Variants in DNAH8 observed in about 807,000 individuals in gnomAD.
DNAH8 encodes dynein axonemal heavy chain 8.
A neutral mutation model predicts 562.1 loss-of-function variants in DNAH8; 382 were observed. The observed-to-expected ratio is 0.68, with a 90% CI of 0.63 to 0.74. The LOEUF (loss-of-function observed/expected upper bound fraction) is 0.74. DNAH8 is among the 30% of genes least tolerant of loss of function. The probability of loss-of-function intolerance (pLI) is 0.00; values close to 1 mark genes in which losing one functional copy is unlikely to be tolerated. For missense variants in DNAH8, 5,203 were observed against 5,620.4 expected, an observed-to-expected ratio of 0.93 and a Z score of 2.37; for synonymous variants, 1,881 against 1,919.4, an observed-to-expected ratio of 0.98 and a Z score of 0.52.
At chr6:38,988,325 G>A (rs535510986) in intron 87 of DNAH8, among the ~76,000 whole-genome samples, 1 of 152,236 alleles carries the variant, frequency 6.6e-6, no homozygotes, top group African/African-American at 2.4e-5. Flanking sequence ...TCAGCTATTT[G>A]TATGTGTATA....
At chr6:38,801,578 T>C (rs1369292416) in intron 21 of DNAH8, among the ~76,000 whole-genome samples, 3 of 152,208 alleles carry the variant, frequency 2.0e-5, no homozygotes, top group Non-Finnish European at 4.4e-5. Context: ...TGCTTAACAC[T>C]TATTTTCCCT....
At chr6:38,796,968 T>C (rs1368165127) in intron 21 of DNAH8, among the ~76,000 whole-genome samples, 1 of 152,198 alleles carries the variant, frequency 6.6e-6, no homozygotes, top group Admixed American at 6.5e-5. Context: ...GTGTCTTCCG[T>C]TTTCCTGACT....
At chr6:38,848,109 C>T (rs1477906570) in intron 36 of DNAH8, among the ~76,000 whole-genome samples, 1 of 152,156 alleles carries the variant, frequency 6.6e-6, no homozygotes, top group African/African-American at 2.4e-5. Flanking sequence ...TGATACCTAA[C>T]CCTCTCCTGA....
chr6:38,867,109 C>T (rs2150419576), intron 47 of DNAH8, among the ~76,000 whole-genome samples: 2 of 152,276 alleles, frequency 1.3e-5, no homozygotes, highest in Middle Eastern at 3.4e-3. Flanking sequence ...GTACCCTTCA[C>T]CCTGCCTTGC....
At chr6:38,905,271 C>T (rs191983689) in intron 62 of DNAH8, among the ~76,000 whole-genome samples, 211 of 152,326 alleles carry the variant, frequency 1.4e-3, no homozygotes, top group African/African-American at 4.9e-3. Flanking sequence ...TGAGGATTTA[C>T]ATACAACATT....
rs781343769 is a variant in DNAH8, at chr6:38,875,710, A to G, written c.7740A>G (p.Glu2580=). ...TGTGGAGTTTAGGAGCCCTTCTGGA[A>G]TTAGAAAGCAGAGAAAAGCTTGAAG... ...GLMWSLGALL[E]LESREKLEAF... is the part of the protein sequence containing the mutation. The change falls in exon 53 of 93, where the codon GAA becomes GAG. Residue 2580 remains glutamate, a synonymous_variant. Coordinates refer to ENST00000327475, the MANE Select transcript of DNAH8 (RefSeq NM_001206927.2). The G allele has an allele frequency of 1.9e-6, 3 of 1,614,026 alleles. No individual in the cohort carries two copies. The South Asian group carries it at 3.3e-5, about 18-fold the overall frequency.
intron 82 of DNAH8, among the ~76,000 whole-genome samples, chr6:38,957,866 C>CA (rs1209427701): frequency 0.56 from 42,709 of 75,736 alleles, 11,090 homozygotes; most frequent in East Asian, 0.7. Flanking sequence ...ATGCCTACAC[C>CA]AAAAAAAAAA....
chr6:39,009,739 G>T (rs1305712009), intron 89 of DNAH8, among the ~76,000 whole-genome samples: 1 of 152,156 alleles, frequency 6.6e-6, no homozygotes, highest in Non-Finnish European at 1.5e-5. Context: ...GTTTTAGCAT[G>T]CAATGAGTGT....
At chr6:38,763,195 AC>A in intron 11 of DNAH8, 1 of 222,832 alleles carries the variant, frequency 4.5e-6, no homozygotes, top group Non-Finnish European at 9.0e-6. Context: ...ACATTTGGAA[AC>A]TCAGTTCCTT....
Position 38,850,342 on chromosome 6 carries a change from G to C in DNAH8, c.5291G>C (p.Gly1764Ala), listed in dbSNP as rs777980655. ...CCCAATGTGATTAATTGCTGTGTTG[G>C]AGATGAAACCATGGGACAACTTTTA... is the stretch of plus-strand genomic sequence containing the variant. ...ENPNVINCCV[G>A]DETMGQLLPH... Residue 1764 changes from glycine to alanine, a missense_variant, in exon 38 of 93, where the codon GGA becomes GCA. Gly to Ala is a moderately conservative substitution (Grantham distance 60, BLOSUM62 0). Around this residue, in one of 6 missense-constraint regions of DNAH8, gnomAD observed 2,176 missense variants for 2,365.1 expected, o/e 0.92. Transcript: ENST00000327475. The C allele has an allele frequency of 6.2e-7, 1 of 1,613,730 alleles. No homozygotes were observed. Among genetic ancestry groups the C allele is most frequent in the Non-Finnish European group, 8.5e-7 (1 of 1,179,680 alleles).
chr6:39,000,850 T>A (rs892324746), intron 88 of DNAH8, among the ~76,000 whole-genome samples: 4 of 152,096 alleles, frequency 2.6e-5, no homozygotes, highest in Non-Finnish European at 5.9e-5. Context: ...GCCAAAAAGG[T>A]TGGGAACCGC....
intron 12 of DNAH8, among the ~76,000 whole-genome samples, chr6:38,773,515 A>G (rs1229476336): frequency 2.6e-5 from 4 of 152,140 alleles, no homozygotes; most frequent in Non-Finnish European, 4.4e-5. Context: ...TGAAGAATAC[A>G]ACTTCAAGCC....
rs1285629425 is a variant in DNAH8, at chr6:38,862,473, A to C, written c.6310+15A>C. 20 of 1,589,392 alleles carry C rather than the reference A, an allele frequency of 1.3e-5. No homozygotes were observed. The highest frequency in any genetic ancestry group is 1.8e-5 in the Admixed American group (1 of 54,254). On this transcript the variant is annotated intron_variant, in intron 44 of 92. Coordinates refer to ENST00000327475, the MANE Select transcript of DNAH8 (RefSeq NM_001206927.2). ...GATTTTCAAAGGCAAGTGTCAAATA[A>C]TGTAGATTATTTTAGGTGAATTTAT...
rs376211086 is a variant in DNAH8 at position 38,867,494 on chromosome 6, C to T, written c.6694-568C>T. ...GTGCCGTGGCTCACGTCTGTAATCCCAGCATTCTGGGAGGCCGAGGCGAGT... is the reference window on the plus strand; with the variant it reads ...GTGCCGTGGCTCACGTCTGTAATCCTAGCATTCTGGGAGGCCGAGGCGAGT... On this transcript the variant is annotated intron_variant, in intron 47 of 92. Coordinates refer to ENST00000327475, the MANE Select transcript of DNAH8 (RefSeq NM_001206927.2). Among the ~76,000 whole-genome samples the T allele has an allele frequency of 4.6e-4, 70 of 151,802 alleles. 1 individual carries two copies. In the East Asian group the frequency reaches 5.4e-3, roughly 12 times the overall value.
chr6:39,007,946 C>CA (rs1765900886), intron 88 of DNAH8, among the ~76,000 whole-genome samples: 1 of 76,450 alleles, frequency 1.3e-5, no homozygotes, highest in South Asian at 4.8e-4. Context: ...CCCCCACCCA[C>CA]CCACACACAC....
At position 38,873,316 on chromosome 6, in the gene DNAH8, A is replaced by C; in HGVS notation, c.7560A>C (p.Thr2520=). ...AGAAAGTCTTTGAAGATACATACAC[A>C]TATATGAAGCTAAATCTCAATCCCA... ...LYEKVFEDTY[T]YMKLNLNPKM... Residue 2520 remains threonine (T), a synonymous_variant, in exon 52 of 93, where the codon ACA becomes ACC. Transcript: ENST00000327475. 6.2e-7 allele frequency: 1 copy of C among 1,613,604 alleles called. No homozygotes were observed. The highest frequency in any genetic ancestry group is 8.5e-7 in the Non-Finnish European group (1 of 1,179,836).
intron 68 of DNAH8, among the ~76,000 whole-genome samples, 187 bp downstream of exon 68, chr6:38,915,564 A>G (rs542529374): frequency 5.9e-5 from 9 of 152,196 alleles, no homozygotes; most frequent in Non-Finnish European, 1.2e-4. Flanking sequence ...TTCCCCTCTT[A>G]TATTATTTTC....
intron 24 of DNAH8, among the ~76,000 whole-genome samples, chr6:38,807,939 G>C (rs918312931): frequency 2.6e-5 from 4 of 152,040 alleles, no homozygotes; most frequent in Non-Finnish European, 4.4e-5. Context: ...TCCCCTCATG[G>C]GTCCTCTCCC....
In DNAH8 at chr6:38,845,689, T is replaced by C; in HGVS notation, c.4961T>C (p.Leu1654Pro). ...GCAGCATTTAAGGGAAAAGGAGAGC[T>C]CCTGCTCAAAGGAACCGAATCGGGA... ...SFAAFKGKGE[L>P]LLKGTESGEI... The change falls in exon 36 of 93, where the codon CTC (leucine) becomes CCC (proline). Residue 1654 changes from leucine to proline, a missense_variant. By Grantham distance (98) the Leu-to-Pro change is moderately conservative. This residue lies in a region of DNAH8 where 2,176 missense variants were observed against 2,365.1 expected (regional missense o/e 0.92). Transcript: ENST00000327475. 6.2e-7 allele frequency: 1 copy of C among 1,613,958 alleles called. No homozygotes were observed. The highest frequency in any genetic ancestry group is 8.5e-7 in the Non-Finnish European group (1 of 1,179,888).
Sources: allele counts gnomAD v4.1 joint callset (sites outside exome capture counted in the v4.1 genomes callset), GRCh38; gene constraint gnomAD v4.1.1; regional missense constraint gnomAD v4.1.1; transcripts MANE v1.5; gene names NCBI Gene and HGNC (gene_info 2026-07-23, HGNC 2026-07-21).